The following SIRT2 variants were observed in gnomAD, a reference collection of about 807,000 sequenced individuals.
SIRT2 encodes NAD-dependent protein deacetylase sirtuin-2.
A neutral mutation model predicts 57.4 loss-of-function variants in SIRT2; 40 were observed. The ratio of observed to expected loss-of-function variants is 0.70; its 90% CI spans 0.54 to 0.91. The LOEUF (loss-of-function observed/expected upper bound fraction) is 0.91, where lower values mean the gene tolerates loss of function less well. SIRT2 is among the 40% of genes least tolerant of loss of function. The pLI is 0.00. For missense variants in SIRT2, 439 were observed against 510.4 expected (o/e 0.86, Z 1.35); for synonymous variants, 161 against 195.7 (o/e 0.82, Z 1.48).
intron 4 of SIRT2, among the ~76,000 whole-genome samples, chr19:38,890,388 C>T (rs985726360): frequency 2.0e-5 from 3 of 152,120 alleles, no homozygotes; most frequent in African/African-American, 7.2e-5. Context: ...AGCCAGCCAG[C>T]GGATAAAGAA....
In SIRT2 at chr19:38,881,497, T is replaced by C. The variant is rs1973154044; in HGVS notation, c.632-6A>G. 3 of 1,611,742 alleles carry C rather than the reference T, an allele frequency of 1.9e-6. No homozygotes were observed. Among genetic ancestry groups the C allele is most frequent in the Non-Finnish European group, 2.5e-6 (3 of 1,178,558 alleles). On this transcript the variant is annotated splice_polypyrimidine_tract_variant and splice_region_variant and intron_variant, in intron 9 of 15. Coordinates refer to ENST00000249396, the MANE Select transcript of SIRT2 (RefSeq NM_012237.4). ...CACCTCAGAGAAGATCTTCTCTGGG[T>C]ATGGGGAAGGGGAAGAAAGAGAAGG... is the stretch of plus-strand genomic sequence containing the variant.
rs568967172 is a variant in SIRT2, at chr19:38,880,311, C to T, written c.876+374G>A. ...CCCTGCCTACTTCCCCTGAGGGGAACACCTAGGAGGGAGCACCTGCCCTAG... is the reference window on the plus strand; with the variant it reads ...CCCTGCCTACTTCCCCTGAGGGGAATACCTAGGAGGGAGCACCTGCCCTAG... On this transcript the variant is annotated intron_variant, in intron 13 of 15. Coordinates refer to ENST00000249396, the MANE Select transcript of SIRT2 (RefSeq NM_012237.4). This position sits in a 1 kb window ranked among gnomAD's most constrained non-coding sequence, Gnocchi z 4.1. 7.3e-4 allele frequency: 173 copies of T among 237,694 alleles called. 1 individual carries two copies. The highest frequency in any genetic ancestry group is 3.5e-3 in the African/African-American group (156 of 44,288). 14.7% of individuals were successfully genotyped at this position (237,694 alleles called of 1,614,324 possible). A position where few individuals can be genotyped will look rare whatever the true frequency, so the allele number is the denominator to read the frequency against.
At chr19:38,888,022 G>A (rs1219543303) in intron 8 of SIRT2, among the ~76,000 whole-genome samples, 2 of 152,124 alleles carry the variant, frequency 1.3e-5, no homozygotes, top group Non-Finnish European at 2.9e-5. Flanking sequence ...CCAAAGTGCT[G>A]GGATTACAGG....
At chr19:38,898,315 C>G (rs1410268093) in intron 2 of SIRT2, 64 bp downstream of exon 2, 7 of 1,284,548 alleles carry the variant, frequency 5.4e-6, no homozygotes, top group African/African-American at 1.5e-5. Flanking sequence ...TGCCACCTCC[C>G]CCCAGTGTGG....
In SIRT2 at chr19:38,890,450, GGAGGCT is replaced by G. The variant is rs1973498109; in HGVS notation, c.227-312_227-307del. ...TCATGCCTGTAATCCCAGAACTTTG[GGAGGCT>G]GAGGCAGGCGGGTCATCTGAGGTCA... On this transcript the variant is annotated intron_variant, in intron 4 of 15. Coordinates refer to ENST00000249396, the MANE Select transcript of SIRT2 (RefSeq NM_012237.4). 7.6e-6 allele frequency: 3 copies of G among 394,174 alleles called. No homozygotes were observed. The South Asian group carries it at 9.1e-5, about 12-fold the overall frequency. The allele number at this position is 394,174 out of a possible 1,614,324, so 24.4% of individuals were successfully genotyped here.
chr19:38,887,210 T>C (rs1429027749), intron 8 of SIRT2, among the ~76,000 whole-genome samples: 2 of 152,176 alleles, frequency 1.3e-5, no homozygotes, highest in African/African-American at 2.4e-5. Context: ...CAGGGACCCA[T>C]GACCATCTTA....
At chr19:38,881,364 A>G in intron 10 of SIRT2, 68 bp downstream of exon 10, 2 of 1,370,010 alleles carry the variant, frequency 1.5e-6, no homozygotes, top group Non-Finnish European at 2.1e-6. Context: ...GGCCTTTGGG[A>G]GGGGGTCAGG....
Position 38,893,497 on chromosome 19 carries a change from G to A in SIRT2, c.143C>T (p.Thr48Met), listed in dbSNP as rs376694959. 5.6e-6 allele frequency: 9 copies of A among 1,613,678 alleles called. No homozygotes were observed. Among genetic ancestry groups the A allele is most frequent in the South Asian group, 1.1e-5 (1 of 91,070 alleles). ...MDFLRNLFSQ[T>M]LSLGSQKERL... ...CTCCTTCTGGCTGCCCAGGCTGAGC[G>A]TCTGGGAGAATAAGTTCCGCAGGAA... The change falls in exon 4 of 16, where the codon ACG becomes ATG. Residue 48 changes from threonine (T) to methionine (M), a missense_variant. By Grantham distance (81) the Thr-to-Met change is moderately conservative. Coordinates refer to ENST00000249396, the MANE Select transcript of SIRT2 (RefSeq NM_012237.4).
intron 8 of SIRT2, among the ~76,000 whole-genome samples, chr19:38,885,590 C>CTTT (rs1307608798): frequency 8.7e-6 from 1 of 114,586 alleles, no homozygotes; most frequent in Non-Finnish European, 1.9e-5. Flanking sequence ...CCATGCGTGG[C>CTTT]TATTTTTTTT....
intron 8 of SIRT2, among the ~76,000 whole-genome samples, chr19:38,884,252 G>A (rs1253105929): frequency 6.6e-6 from 1 of 151,988 alleles, no homozygotes; most frequent in East Asian, 1.9e-4. Flanking sequence ...TGTTTTATTA[G>A]AGCCAGATGC....
intron 2 of SIRT2, chr19:38,894,488 G>A: frequency 4.3e-6 from 1 of 234,178 alleles, no homozygotes; most frequent in Non-Finnish European, 8.5e-6. Context: ...CCAGGGGCGG[G>A]GGAAGTGCTT....
intron 8 of SIRT2, among the ~76,000 whole-genome samples, chr19:38,888,309 G>A (rs893905943): frequency 6.6e-6 from 1 of 152,108 alleles, no homozygotes; most frequent in African/African-American, 2.4e-5. Context: ...AGTAGCTGGG[G>A]CTACAGGCAC....
chr19:38,890,227 G>A (rs1023201379), intron 4 of SIRT2, 83 bp from the exon 5 acceptor site: 33 of 1,420,212 alleles, frequency 2.3e-5, no homozygotes, highest in African/African-American at 7.0e-5. Flanking sequence ...CCCTGACATC[G>A]TTTACTCCAT....
Position 38,878,905 on chromosome 19 carries a change from C to A in SIRT2, c.*250G>T. 2.2e-6 allele frequency: 1 copy of A among 463,370 alleles called. No homozygotes were observed. The allele number at this position is 463,370 out of a possible 1,614,324, so 28.7% of individuals were successfully genotyped here. A position where few individuals can be genotyped will look rare whatever the true frequency, so the allele number is the denominator to read the frequency against. On this transcript the variant is annotated 3_prime_UTR_variant, in exon 16 of 16. Transcript: ENST00000249396. The stretch of plus-strand genomic sequence containing the variant: ...AGAGATGAGGGAGGTTACTCCTTAG[C>A]CCAGGAGTGGTTAGAGACAGTGGGG...
At chr19:38,883,821 A>C in intron 8 of SIRT2, 65 bp from the exon 9 acceptor site, 1 of 1,581,160 alleles carries the variant, frequency 6.3e-7, no homozygotes, top group Middle Eastern at 1.7e-4. Context: ...CAGAAGGCAC[A>C]GTAGGGAGTT....
intron 2 of SIRT2, chr19:38,894,894 A>C (rs1973667859): frequency 2.2e-6 from 1 of 455,872 alleles, no homozygotes; most frequent in African/African-American, 2.0e-5. Context: ...CTCTGCCCTC[A>C]GATCCGGGGT....
At chr19:38,890,341 C>T (rs956922268) in intron 4 of SIRT2, among the ~76,000 whole-genome samples, 197 bp from the exon 5 acceptor site, 3 of 152,208 alleles carry the variant, frequency 2.0e-5, no homozygotes, top group African/African-American at 7.2e-5. Context: ...AACTGGGGCT[C>T]AGATAGGGGA....
Position 38,878,874 on chromosome 19 carries a change from G to T in SIRT2, c.*281C>A, listed in dbSNP as rs2241703. ...CTGGGGTAGCCCTGGCCCCGTGGGG[G>T]CAGTTAGAGATGAGGGAGGTTACTC... On this transcript the variant is annotated 3_prime_UTR_variant, in exon 16 of 16. Transcript: ENST00000249396. The T allele has an allele frequency of 5.4e-6, 2 of 369,744 alleles. No individual in the cohort carries two copies. Among genetic ancestry groups the T allele is most frequent in the African/African-American group, 4.2e-5 (2 of 47,396 alleles). 22.9% of individuals were successfully genotyped at this position (369,744 alleles called of 1,614,324 possible).
Position 38,899,565 on chromosome 19 carries a change from T to TC in SIRT2, c.-45dup. On this transcript the variant is annotated 5_prime_UTR_variant, in exon 1 of 16. Transcript: ENST00000249396. ...CTTGAGGCTGTCACCGACCGCTCTG[T>TC]CCCGTCACCAACCACTGTGTCCCGT... is the stretch of plus-strand genomic sequence containing the variant. The TC allele has an allele frequency of 6.2e-7, 1 of 1,613,574 alleles. No homozygotes were observed. The highest frequency in any genetic ancestry group is 8.5e-7 in the Non-Finnish European group (1 of 1,179,802).
Sources: allele counts gnomAD v4.1 joint callset (sites outside exome capture counted in the v4.1 genomes callset), GRCh38; gene constraint gnomAD v4.1.1; non-coding constraint Gnocchi (gnomAD v3.1); transcripts MANE v1.5; gene names NCBI Gene and HGNC (gene_info 2026-07-23, HGNC 2026-07-21).